Variants in ASIC2 observed in about 807,000 individuals in gnomAD.
The protein encoded by ASIC2 is acid sensing ion channel subunit 2, also known as acid-sensing ion channel 2.
Under a neutral mutation model 57.3 loss-of-function variants are expected in ASIC2, and 25 were observed. That is an observed-to-expected ratio of 0.44 (90% CI 0.32 to 0.61). The LOEUF (loss-of-function observed/expected upper bound fraction) is 0.61. ASIC2 is among the 20% of genes least tolerant of loss of function. The pLI, the probability that ASIC2 is intolerant of heterozygous loss-of-function variation, is 0.06. For synonymous variants in ASIC2, 319 were observed against 307.5 expected, an observed-to-expected ratio of 1.04 and a Z score of -0.39; for missense variants, 641 against 738.1, an observed-to-expected ratio of 0.87 and a Z score of 1.52.
At chr17:33,977,346 A>G (rs1908490452) in intron 1 of ASIC2, among the ~76,000 whole-genome samples, 1 of 152,200 alleles carries the variant, frequency 6.6e-6, no homozygotes, top group African/African-American at 2.4e-5. Flanking sequence ...TGCCACTTTC[A>G]GGGCACCTCT....
At chr17:33,663,030 TCCACACGCACTCGCATGCGC>T (rs1907343670) in intron 1 of ASIC2, among the ~76,000 whole-genome samples, 1 of 152,162 alleles carries the variant, frequency 6.6e-6, no homozygotes, top group African/African-American at 2.4e-5. Context: ...GCAACAGGTC[TCCACACGCACTCGCATGCGC>T]CTGCACGCAC....
chr17:34,086,829 A>G (rs547112325), intron 1 of ASIC2, among the ~76,000 whole-genome samples: 1 of 152,232 alleles, frequency 6.6e-6, no homozygotes, highest in East Asian at 1.9e-4. Flanking sequence ...TTGTTGGTTT[A>G]AAGTCTGTTT....
intron 1 of ASIC2, among the ~76,000 whole-genome samples, chr17:33,529,056 TAG>T (rs1467216943): frequency 6.6e-6 from 1 of 152,052 alleles, no homozygotes; most frequent in Non-Finnish European, 1.5e-5. Context: ...GAAAGAATAA[TAG>T]AGAGTTTGGC....
At chr17:33,295,678 C>G (rs1240265632), upstream of ASIC2, among the ~76,000 whole-genome samples, 1 of 152,132 alleles carries the variant, frequency 6.6e-6, no homozygotes, top group Non-Finnish European at 1.5e-5. Flanking sequence ...GTATCCCTAC[C>G]TCTTAGCACA....
At chr17:34,017,233 G>A (rs985046595) in intron 1 of ASIC2, among the ~76,000 whole-genome samples, 6 of 152,022 alleles carry the variant, frequency 3.9e-5, no homozygotes, top group African/African-American at 7.3e-5. Context: ...ATCTGTGATC[G>A]GTGACCTTTG....
intron 1 of ASIC2, among the ~76,000 whole-genome samples, chr17:33,288,418 G>A (rs1905280633): frequency 6.6e-6 from 1 of 152,142 alleles, no homozygotes; most frequent in Admixed American, 6.5e-5. Context: ...GAGCTGTTCT[G>A]TAGACCTTGA....
intron 1 of ASIC2, among the ~76,000 whole-genome samples, chr17:33,782,439 A>C (rs1018021035): frequency 1.9e-4 from 29 of 152,054 alleles, no homozygotes; most frequent in Non-Finnish European, 2.5e-4. Context: ...ATCTTTTAAA[A>C]ATATAAGCTG....
chr17:33,053,868 A>C (rs1169953503), intron 3 of ASIC2, among the ~76,000 whole-genome samples: 2 of 152,192 alleles, frequency 1.3e-5, no homozygotes, highest in Non-Finnish European at 2.9e-5. Context: ...TCAGTTCAAC[A>C]TGACTGGCAG....
intron 1 of ASIC2, among the ~76,000 whole-genome samples, chr17:33,409,943 CACCAGTACAA>C (rs1304128864): frequency 2.6e-5 from 4 of 152,192 alleles, no homozygotes; most frequent in African/African-American, 4.8e-5. Context: ...GGCCAACATA[CACCAGTACAA>C]ACCAGCTCAG....
intron 1 of ASIC2, among the ~76,000 whole-genome samples, chr17:33,843,971 G>T (rs1245908465): frequency 6.6e-6 from 1 of 152,190 alleles, no homozygotes; most frequent in Non-Finnish European, 1.5e-5. Context: ...ACGAGGCTGT[G>T]TCTCTGTGCT....
At chr17:33,255,947 T>C (rs1909051505) in intron 1 of ASIC2, among the ~76,000 whole-genome samples, 1 of 152,210 alleles carries the variant, frequency 6.6e-6, no homozygotes, top group Non-Finnish European at 1.5e-5. Flanking sequence ...TCACCTCTTA[T>C]TAATATTTTC....
intron 1 of ASIC2, among the ~76,000 whole-genome samples, chr17:34,099,706 AAAAGAAAG>A (rs1207377497): frequency 1.7e-4 from 25 of 148,632 alleles, no homozygotes; most frequent in South Asian, 4.3e-4. Context: ...AAGAAAGGAA[AAAAGAAAG>A]AAAGAAAGAA....
intron 1 of ASIC2, among the ~76,000 whole-genome samples, chr17:34,116,587 C>T (rs1911429716): frequency 6.6e-6 from 1 of 152,098 alleles, no homozygotes. Context: ...CATTTTCTTT[C>T]ATTTCTTACC....
intron 1 of ASIC2, among the ~76,000 whole-genome samples, chr17:33,329,212 TAC>T (rs1353635154): frequency 6.6e-6 from 1 of 152,206 alleles, no homozygotes; most frequent in Non-Finnish European, 1.5e-5. Context: ...TTTACCTTCT[TAC>T]AGTCTCAGCA....
chr17:33,821,358 C>T (rs182485210), intron 1 of ASIC2, among the ~76,000 whole-genome samples: 5 of 152,168 alleles, frequency 3.3e-5, no homozygotes, highest in Non-Finnish European at 5.9e-5. Context: ...AAAGCCTTCT[C>T]GTCCAAACAC....
chr17:33,519,638 G>T (rs980795716), intron 1 of ASIC2, among the ~76,000 whole-genome samples: 1 of 152,198 alleles, frequency 6.6e-6, no homozygotes, highest in Non-Finnish European at 1.5e-5. Flanking sequence ...TTTTGAGCAG[G>T]TAGGCAGCTT....
At chr17:33,873,612 T>C (rs1171825822) in intron 1 of ASIC2, among the ~76,000 whole-genome samples, 9 of 152,166 alleles carry the variant, frequency 5.9e-5, no homozygotes, top group Admixed American at 5.9e-4. Flanking sequence ...TGGGTAATAA[T>C]ATAGATTTCA....
intron 1 of ASIC2, among the ~76,000 whole-genome samples, chr17:33,209,952 C>T (rs1567785180): frequency 6.6e-6 from 1 of 152,186 alleles, no homozygotes; most frequent in East Asian, 1.9e-4. Flanking sequence ...CAACTCCTGA[C>T]TTGGTCTGTT....
intron 1 of ASIC2, among the ~76,000 whole-genome samples, chr17:33,988,991 C>G (rs999062768): frequency 2.0e-5 from 3 of 152,104 alleles, no homozygotes; most frequent in African/African-American, 7.2e-5. Context: ...CTCCTCCCAC[C>G]TTCCACAACT....
Sources: gnomAD v4.1 joint callset for allele counts (sites outside exome capture counted in the v4.1 genomes callset) on GRCh38, gnomAD v4.1.1 for gene constraint, MANE v1.5 for transcripts, NCBI Gene and HGNC (gene_info 2026-07-23, HGNC 2026-07-21) for gene names.